CTNNA3: variants seen among roughly 807,000 people sequenced by gnomAD.
CTNNA3 encodes catenin alpha-3.
A neutral mutation model predicts 95.7 loss-of-function variants in CTNNA3; 76 were observed. The observed-to-expected ratio is 0.79, with a 90% CI of 0.66 to 0.96. The LOEUF is 0.96. Among genes scored for constraint, CTNNA3 ranks in the 40% least tolerant of loss-of-function variants. The pLI, the probability that CTNNA3 is intolerant of heterozygous loss-of-function variation, is 0.00. For missense variants in CTNNA3, 1,191 were observed against 1,089.8 expected (o/e 1.09, Z -1.31); for synonymous variants, 431 against 374.4 (o/e 1.15, Z -1.74).
intron 9 of CTNNA3, among the ~76,000 whole-genome samples, chr10:66,719,223 C>T (rs1014606678): frequency 6.6e-6 from 1 of 152,124 alleles, no homozygotes. Flanking sequence ...GATTCTAAGA[C>T]TCTTGATTAT....
intron 6 of CTNNA3, among the ~76,000 whole-genome samples, chr10:67,209,261 C>T (rs574371017): frequency 6.6e-6 from 1 of 152,236 alleles, no homozygotes; most frequent in African/African-American, 2.4e-5. Context: ...GTTGGCCAGG[C>T]TGGTCTCGAC....
intron 3 of CTNNA3, among the ~76,000 whole-genome samples, chr10:67,543,636 A>G (rs1254665239): frequency 6.6e-6 from 1 of 152,178 alleles, no homozygotes; most frequent in Non-Finnish European, 1.5e-5. Flanking sequence ...TTTATTATTC[A>G]ATTAAGATTT....
At chr10:67,566,281 G>C (rs1360396052) in intron 3 of CTNNA3, among the ~76,000 whole-genome samples, 1 of 144,568 alleles carries the variant, frequency 6.9e-6, no homozygotes, top group Non-Finnish European at 1.5e-5. Context: ...ATCTGACAAA[G>C]GGCTGATATC....
At chr10:66,297,876 G>A (rs1168432324) in intron 12 of CTNNA3, among the ~76,000 whole-genome samples, 1 of 152,142 alleles carries the variant, frequency 6.6e-6, no homozygotes, top group African/African-American at 2.4e-5. Context: ...TGCGAGGATG[G>A]AGCCATGGGG....
At chr10:66,890,507 A>G (rs774562565) in intron 7 of CTNNA3, among the ~76,000 whole-genome samples, 3 of 152,084 alleles carry the variant, frequency 2.0e-5, no homozygotes, top group Non-Finnish European at 2.9e-5. Flanking sequence ...TACTGGTGAG[A>G]GATGGGGTAA....
chr10:67,628,263 AG>A (rs146052813), intron 2 of CTNNA3, among the ~76,000 whole-genome samples: 14,526 of 142,964 alleles, frequency 0.1, 1,062 homozygotes, highest in African/African-American at 0.24. Context: ...AAAAAAAAAA[AG>A]GGGAGAAACA....
rs150361952 is a variant in CTNNA3, at chr10:66,138,347, A to G, written c.1885-35098T>C. Among the ~76,000 whole-genome samples the G allele has an allele frequency of 2.6e-5, 4 of 152,322 alleles. No homozygotes were observed. The East Asian group carries it at 7.7e-4, about 29-fold the overall frequency. On this transcript the variant is annotated intron_variant, in intron 13 of 17. Coordinates refer to ENST00000433211, the MANE Select transcript of CTNNA3 (RefSeq NM_013266.4). ...CATAGTAATTCTTATTGTTACAGAT[A>G]ACAAACTTTGAATACTGACTATCTT...
At chr10:67,380,669 C>T (rs1843907685) in intron 5 of CTNNA3, among the ~76,000 whole-genome samples, 1 of 151,990 alleles carries the variant, frequency 6.6e-6, no homozygotes, top group South Asian at 2.1e-4. Context: ...TTAATGAGTA[C>T]TAAGGGCAAA....
At chr10:67,362,053 T>C (rs1278162555) in intron 5 of CTNNA3, among the ~76,000 whole-genome samples, 1 of 151,890 alleles carries the variant, frequency 6.6e-6, no homozygotes, top group Non-Finnish European at 1.5e-5. Context: ...ACACACAACT[T>C]CCCAAGATTG....
intron 1 of CTNNA3, among the ~76,000 whole-genome samples, chr10:67,760,215 A>T (rs1841455236): frequency 6.6e-6 from 1 of 152,120 alleles, no homozygotes; most frequent in Non-Finnish European, 1.5e-5. Flanking sequence ...TATTGGAATA[A>T]AGAACAAAAA....
intron 5 of CTNNA3, among the ~76,000 whole-genome samples, chr10:67,311,356 G>A (rs1217163203): frequency 6.6e-6 from 1 of 152,156 alleles, no homozygotes; most frequent in African/African-American, 2.4e-5. Flanking sequence ...CATGGAAGGA[G>A]GGGGGTTGGG....
chr10:66,587,790 A>G (rs1275000639), intron 10 of CTNNA3, among the ~76,000 whole-genome samples: 2 of 152,136 alleles, frequency 1.3e-5, no homozygotes, highest in Non-Finnish European at 2.9e-5. Context: ...GTAGAACTAA[A>G]AACTGCCCCA....
intron 13 of CTNNA3, among the ~76,000 whole-genome samples, chr10:66,115,856 T>A (rs1415497416): frequency 6.6e-6 from 1 of 151,944 alleles, no homozygotes; most frequent in Admixed American, 6.6e-5. Context: ...AAAAAAAATA[T>A]GAAAGAAATT....
intron 2 of CTNNA3, among the ~76,000 whole-genome samples, chr10:67,646,377 C>G (rs1339710927): frequency 6.6e-6 from 1 of 151,446 alleles, no homozygotes; most frequent in Non-Finnish European, 1.5e-5. Flanking sequence ...AATGAAGTCT[C>G]CACAGTCATC....
At chr10:67,587,488 A>T (rs557216252) in intron 3 of CTNNA3, among the ~76,000 whole-genome samples, 4 of 152,092 alleles carry the variant, frequency 2.6e-5, no homozygotes, top group Non-Finnish European at 5.9e-5. Context: ...CTGGATATAG[A>T]ATTATTGGCT....
At chr10:67,335,409 G>A (rs1464471296) in intron 5 of CTNNA3, among the ~76,000 whole-genome samples, 2 of 152,154 alleles carry the variant, frequency 1.3e-5, no homozygotes, top group Non-Finnish European at 2.9e-5. Flanking sequence ...CCAAACAGTG[G>A]GGTCCAAAAG....
intron 10 of CTNNA3, among the ~76,000 whole-genome samples, chr10:66,577,581 G>A (rs536977607): frequency 9.9e-5 from 15 of 152,154 alleles, no homozygotes; most frequent in African/African-American, 3.6e-4. Flanking sequence ...ATTGACTAGA[G>A]GGTCCCTTCC....
chr10:66,065,728 C>T (rs1054799610), intron 15 of CTNNA3, among the ~76,000 whole-genome samples: 1 of 152,046 alleles, frequency 6.6e-6, no homozygotes, highest in Non-Finnish European at 1.5e-5. Flanking sequence ...CATGGCTTTA[C>T]CCTTCATTGT....
intron 11 of CTNNA3, among the ~76,000 whole-genome samples, chr10:66,508,807 T>C (rs1840554783): frequency 6.6e-6 from 1 of 152,124 alleles, no homozygotes; most frequent in South Asian, 2.1e-4. Context: ...GTAGGTTTAT[T>C]CCATATCTTC....
Sources: allele counts gnomAD v4.1 joint callset (sites outside exome capture counted in the v4.1 genomes callset), GRCh38; gene constraint gnomAD v4.1.1; transcripts MANE v1.5; gene names NCBI Gene and HGNC (gene_info 2026-07-23, HGNC 2026-07-21).